The following GSE1 variants were observed in gnomAD, a reference collection of about 807,000 sequenced individuals.
The protein encoded by GSE1 is genetic suppressor element 1.
GSE1 carries 32 observed loss-of-function variants against 112.6 expected under a neutral mutation model. The ratio of observed to expected loss-of-function variants is 0.28; its 90% confidence interval spans 0.21 to 0.38. The LOEUF is 0.38. Ranked by LOEUF, GSE1 falls within the 10% of genes least tolerant of loss-of-function variation. GSE1 has a pLI of 1.00. For synonymous variants in GSE1, 1,115 were observed against 735.6 expected, an observed-to-expected ratio of 1.52 and a Z score of -8.35; for missense variants, 2,348 against 1,699.2, an observed-to-expected ratio of 1.38 and a Z score of -6.71.
chr16:85,244,610 G>A (rs940503682), intron 1 of GSE1, among the ~76,000 whole-genome samples: 1 of 152,214 alleles, frequency 6.6e-6, no homozygotes, highest in Admixed American at 6.5e-5. Context: ...AGCACGATGG[G>A]AGGCTGAGGC....
chr16:85,631,413 G>C (rs558174743), intron 1 of GSE1, among the ~76,000 whole-genome samples: 1 of 152,260 alleles, frequency 6.6e-6, no homozygotes, highest in Non-Finnish European at 1.5e-5. Context: ...GCCCTCTGCC[G>C]AAGGTGTGTG....
chr16:85,340,474 T>A (rs2151538388), intron 1 of GSE1, among the ~76,000 whole-genome samples: 1 of 152,240 alleles, frequency 6.6e-6, no homozygotes, highest in East Asian at 1.9e-4. Flanking sequence ...ACCCCATCTC[T>A]ACTAAAAATA....
chr16:85,362,723 C>G (rs1482556581), intron 2 of GSE1, among the ~76,000 whole-genome samples: 3 of 152,076 alleles, frequency 2.0e-5, no homozygotes, highest in African/African-American at 4.8e-5. Context: ...TCTGCATGGC[C>G]ATTGGGGCTG....
intron 1 of GSE1, among the ~76,000 whole-genome samples, chr16:85,331,698 TATATA>T (rs1452693404): frequency 1.1e-5 from 1 of 90,484 alleles, no homozygotes; most frequent in African/African-American, 4.2e-5. Flanking sequence ...TATATATATA[TATATA>T]TATATTTTTT....
chr16:85,558,524 C>G (rs1449919117), intron 1 of GSE1, among the ~76,000 whole-genome samples: 1 of 152,198 alleles, frequency 6.6e-6, no homozygotes, highest in African/African-American at 2.4e-5. Context: ...CTGGGAAATT[C>G]AAAGCCATTA....
At chr16:85,573,121 C>T (rs979437445) in intron 1 of GSE1, among the ~76,000 whole-genome samples, 4 of 152,224 alleles carry the variant, frequency 2.6e-5, no homozygotes, top group Non-Finnish European at 5.9e-5. Context: ...GCCTCGGCCT[C>T]ACAAAGTGCT....
At chr16:85,404,896 C>T (rs2048239530) in intron 2 of GSE1, among the ~76,000 whole-genome samples, 1 of 48,826 alleles carries the variant, frequency 2.0e-5, no homozygotes, top group Admixed American at 1.4e-4. Flanking sequence ...TCAGGGCCCC[C>T]CGGATAATCC....
At chr16:85,339,802 G>A (rs926912901) in intron 1 of GSE1, among the ~76,000 whole-genome samples, 6 of 152,038 alleles carry the variant, frequency 3.9e-5, no homozygotes, top group African/African-American at 7.2e-5. Flanking sequence ...GGTGACTTTC[G>A]TGTTTGCCTA....
chr16:85,236,512 TGTGCATAGGCCTG>T (rs993157958), intron 1 of GSE1, among the ~76,000 whole-genome samples: 1 of 152,168 alleles, frequency 6.6e-6, no homozygotes, highest in Non-Finnish European at 1.5e-5. Context: ...GAGAACGGCC[TGTGCATAGGCCTG>T]GGTGTGGGTA....
At chr16:85,245,966 GT>G (rs1011911647) in intron 1 of GSE1, among the ~76,000 whole-genome samples, 4 of 151,082 alleles carry the variant, frequency 2.6e-5, no homozygotes, top group African/African-American at 7.3e-5. Flanking sequence ...GCGTGTGTGT[GT>G]GGGGGGCTGT....
At chr16:85,545,734 A>G (rs1454045552) in intron 2 of GSE1, among the ~76,000 whole-genome samples, 1 of 152,204 alleles carries the variant, frequency 6.6e-6, no homozygotes. Context: ...AAGGAGACCT[A>G]GAGACCTATG....
chr16:85,448,044 T>A (rs1486893995), intron 2 of GSE1, among the ~76,000 whole-genome samples: 1 of 152,222 alleles, frequency 6.6e-6, no homozygotes, highest in African/African-American at 2.4e-5. Flanking sequence ...GTAGGGCACC[T>A]GGCAGCCAGC....
At chr16:85,306,663 C>G (rs1302653965) in intron 1 of GSE1, among the ~76,000 whole-genome samples, 1 of 152,192 alleles carries the variant, frequency 6.6e-6, no homozygotes, top group Non-Finnish European at 1.5e-5. Context: ...ATCCTCCCAC[C>G]TCAGCCTCTT....
chr16:85,589,060 C>G (rs2046842784), intron 1 of GSE1, among the ~76,000 whole-genome samples: 1 of 152,188 alleles, frequency 6.6e-6, no homozygotes, highest in Non-Finnish European at 1.5e-5. Context: ...GACTTCCAGG[C>G]CCCCAAATCC....
chr16:85,498,011 G>A (rs1051865135), intron 2 of GSE1, among the ~76,000 whole-genome samples: 4 of 152,086 alleles, frequency 2.6e-5, no homozygotes, highest in African/African-American at 9.7e-5. Flanking sequence ...TGACCACCGT[G>A]CCTGTGTGCT....
chr16:85,482,309 A>T (rs537153434), intron 2 of GSE1, among the ~76,000 whole-genome samples: 1 of 152,342 alleles, frequency 6.6e-6, no homozygotes, highest in South Asian at 2.1e-4. Context: ...CAGGTGAGAG[A>T]TCGCACTTGC....
intron 2 of GSE1, among the ~76,000 whole-genome samples, chr16:85,416,863 T>G (rs11642200): frequency 0.47 from 70,905 of 151,810 alleles, 16,614 homozygotes; most frequent in Middle Eastern, 0.49. Flanking sequence ...TTGTTTGTTT[T>G]TTTGTTTTTT....
At chr16:85,331,555 G>GTGTATCTATA (rs1361388090) in intron 1 of GSE1, among the ~76,000 whole-genome samples, 4 of 87,058 alleles carry the variant, frequency 4.6e-5, no homozygotes, top group African/African-American at 2.1e-4. Flanking sequence ...GTGTATATAT[G>GTGTATCTATA]TGTATATGTG....
chr16:85,585,225 C>T (rs2046636048), intron 1 of GSE1, among the ~76,000 whole-genome samples: 1 of 152,228 alleles, frequency 6.6e-6, no homozygotes, highest in South Asian at 2.1e-4. Flanking sequence ...GCCCTGCCTG[C>T]CCTGCTGTGT....
Sources: gnomAD v4.1 joint callset for allele counts (sites outside exome capture counted in the v4.1 genomes callset) on GRCh38, gnomAD v4.1.1 for gene constraint, MANE v1.5 for transcripts, NCBI Gene and HGNC (gene_info 2026-07-23, HGNC 2026-07-21) for gene names.